The following ZNF98 variants were observed in gnomAD, a reference collection of about 807,000 sequenced individuals.
The protein encoded by ZNF98 is zinc finger protein 739.
In ZNF98, 8 loss-of-function variants were observed where a neutral mutation model predicts 12.8. That is an observed-to-expected ratio of 0.63 (90% CI 0.37 to 1.13). ZNF98 has a LOEUF of 1.13. Among genes scored for constraint, ZNF98 ranks in the 50% most tolerant of loss-of-function variants. The pLI is 0.01. For missense variants in ZNF98, 379 were observed against 666.1 expected (o/e 0.57, Z 4.74); for synonymous variants, 112 against 223.5 (o/e 0.50, Z 4.45).
intron 1 of ZNF98, among the ~76,000 whole-genome samples, chr19:22,418,893 T>A (rs900090822): frequency 1.3e-5 from 2 of 152,154 alleles, no homozygotes; most frequent in Non-Finnish European, 2.9e-5. Flanking sequence ...AAAAGCTGAA[T>A]TTTTCTTCAG....
At position 22,392,479 on chromosome 19, in the gene ZNF98, G is replaced by T; in HGVS notation, c.756C>A (p.His252Gln). The change falls in exon 4 of 4, where the codon CAC becomes CAA. Residue 252 changes from histidine (H) to glutamine (Q), a missense_variant. His to Gln is a conservative substitution (Grantham distance 24). This residue lies in a region of ZNF98 where 24 missense variants were observed against 48.8 expected (regional missense o/e 0.49). Transcript: ENST00000357774. Reference protein sequence around the residue: ...ECGKAFNRLSHLTTHKIIHTG... With the variant: ...ECGKAFNRLSQLTTHKIIHTG... ...TATGAATTATCTTATGTGTAGTAAG[G>T]TGTGAGAGCCGGTTAAAGGCTTTTC... The T allele has an allele frequency of 6.3e-7, 1 of 1,582,070 alleles. No homozygotes were observed. Among genetic ancestry groups the T allele is most frequent in the East Asian group, 2.3e-5 (1 of 44,056 alleles).
At chr19:22,401,594 C>T (rs911449603) in intron 3 of ZNF98, among the ~76,000 whole-genome samples, 2 of 151,338 alleles carry the variant, frequency 1.3e-5, no homozygotes, top group East Asian at 2.0e-4. Flanking sequence ...AGCAATTCTT[C>T]CGCCTCAGCC....
At chr19:22,404,977 T>C (rs1044664581) in intron 1 of ZNF98, among the ~76,000 whole-genome samples, 1 of 152,142 alleles carries the variant, frequency 6.6e-6, no homozygotes, top group African/African-American at 2.4e-5. Context: ...GTATCCACCC[T>C]TTCCATGTTC....
intron 3 of ZNF98, among the ~76,000 whole-genome samples, chr19:22,397,192 G>C (rs1240203266): frequency 6.5e-5 from 5 of 76,496 alleles, no homozygotes; most frequent in African/African-American, 1.9e-4. Flanking sequence ...ATGTACATCT[G>C]TGTGTGTGTG....
At chr19:22,403,638 A>C (rs1359251615) in intron 1 of ZNF98, 126 bp from the exon 2 acceptor site, 2 of 931,606 alleles carry the variant, frequency 2.1e-6, no homozygotes, top group Non-Finnish European at 3.1e-6. Flanking sequence ...TGATATATTT[A>C]ATAAATAACT....
chr19:22,392,793 T>G lies in ZNF98; in HGVS notation c.442A>C (p.Thr148Pro). Residue 148 changes from threonine to proline, a missense_variant, in exon 4 of 4, where the codon ACT becomes CCT. Thr to Pro is a conservative substitution (Grantham distance 38, BLOSUM62 -1). Around this residue, in one of 8 missense-constraint regions of ZNF98, gnomAD observed 223 missense variants for 261.6 expected, o/e 0.85. Transcript: ENST00000357774. ...TATTGAAATATTTTGTTCTGGGTAG[T>G]TGTCAAACACTGGTTAAGTCCATTG... Reference protein sequence around the residue: ...CYNGLNQCLTTTQNKIFQYDK... With the variant: ...CYNGLNQCLTPTQNKIFQYDK... 6.2e-7 allele frequency: 1 copy of G among 1,612,850 alleles called. No individual in the cohort carries two copies. Among genetic ancestry groups the G allele is most frequent in the African/African-American group, 1.3e-5 (1 of 75,022 alleles).
At chr19:22,412,853 C>G (rs1969594569) in intron 1 of ZNF98, among the ~76,000 whole-genome samples, 1 of 151,794 alleles carries the variant, frequency 6.6e-6, no homozygotes, top group African/African-American at 2.4e-5. Flanking sequence ...GAGATCGAGA[C>G]TATCCTGGCT....
chr19:22,421,000 T>C (rs974372394), intron 1 of ZNF98, among the ~76,000 whole-genome samples: 1 of 152,180 alleles, frequency 6.6e-6, no homozygotes, highest in African/African-American at 2.4e-5. Context: ...AGACATTGCA[T>C]TTTCCACTTA....
chr19:22,399,021 A>G (rs1445053494), intron 3 of ZNF98, among the ~76,000 whole-genome samples: 5 of 152,220 alleles, frequency 3.3e-5, no homozygotes, highest in Non-Finnish European at 7.4e-5. Context: ...CCCCACACCG[A>G]CTTACATGTA....
Position 22,403,283 on chromosome 19 carries a change from A to C in ZNF98, c.157+103T>G, listed in dbSNP as rs181312089. ...TAAAAAAAAAAAACAAAAAAAAAAA[A>C]CAGAGATCTGAAAGCATAAACTACC... On this transcript the variant is annotated intron_variant, in intron 2 of 3. Transcript: ENST00000357774. 9,308 of 1,365,868 alleles carry C rather than the reference A, an allele frequency of 6.8e-3. 548 individuals carry two copies. The African/African-American group carries it at 0.13, about 19-fold the overall frequency. 84.6% of individuals were successfully genotyped at this position (1,365,868 alleles called of 1,614,324 possible).
chr19:22,409,570 C>A (rs951361980), intron 1 of ZNF98, among the ~76,000 whole-genome samples: 1 of 151,952 alleles, frequency 6.6e-6, no homozygotes, highest in Non-Finnish European at 1.5e-5. Flanking sequence ...CCAGAATTTA[C>A]AAGAAACTTT....
chr19:22,406,218 A>C (rs534610037), intron 1 of ZNF98, among the ~76,000 whole-genome samples: 14 of 152,154 alleles, frequency 9.2e-5, no homozygotes, highest in Admixed American at 7.2e-4. Context: ...GAGTGTTCCT[A>C]CTGGCATCAG....
At chr19:22,395,194 A>G (rs1042417024) in intron 3 of ZNF98, among the ~76,000 whole-genome samples, 7 of 151,270 alleles carry the variant, frequency 4.6e-5, no homozygotes, top group African/African-American at 1.4e-4. Flanking sequence ...AAAAAAAAAA[A>G]AAAGAAAAGA....
In ZNF98 at chr19:22,422,237, T is replaced by C. The variant is rs1010544145; in HGVS notation, c.-13A>G. Reference sequence around the variant, plus strand: ...GGGGTCCTGGCATCTTAGCTGTGGATTCCCAATACCTGCAGGTCACAGGGC... The same window carrying C: ...GGGGTCCTGGCATCTTAGCTGTGGACTCCCAATACCTGCAGGTCACAGGGC... On this transcript the variant is annotated 5_prime_UTR_variant, in exon 1 of 4. Transcript: ENST00000357774. 6.2e-7 allele frequency: 1 copy of C among 1,611,636 alleles called. No individual in the cohort carries two copies. The highest frequency in any genetic ancestry group is 1.1e-5 in the South Asian group (1 of 91,054).
At chr19:22,395,903 T>C (rs1477003404) in intron 3 of ZNF98, among the ~76,000 whole-genome samples, 2 of 149,178 alleles carry the variant, frequency 1.3e-5, no homozygotes, top group East Asian at 3.9e-4. Context: ...AAGTTGAGAA[T>C]AATACCATCA....
At position 22,392,003 on chromosome 19, in the gene ZNF98, C is replaced by A; in HGVS notation, c.1232G>T (p.Cys411Phe). 6.4e-7 allele frequency: 1 copy of A among 1,553,696 alleles called. No individual in the cohort carries two copies. The change falls in exon 4 of 4, where the codon TGT (cysteine) becomes TTT (phenylalanine). Residue 411 changes from cysteine to phenylalanine, a missense_variant. Physicochemically the swap from Cys to Phe is radical, Grantham distance 205. This residue lies in a region of ZNF98 where 19 missense variants were observed against 119.7 expected (regional missense o/e 0.16). Coordinates refer to ENST00000357774, the MANE Select transcript of ZNF98 (RefSeq NM_001098626.2). The part of the protein sequence containing the change: ...AGEKFYKCEV[C>F]SKAFSRFSHL... ...TGAGAACCGGCTAAAGGCTTTGCTACATACTTCACATTTGTAGAATTTCTC... is the reference window on the plus strand; with the variant it reads ...TGAGAACCGGCTAAAGGCTTTGCTAAATACTTCACATTTGTAGAATTTCTC...
Position 22,422,292 on chromosome 19 carries a change from A to C in ZNF98, c.-68T>G. 6.3e-7 allele frequency: 1 copy of C among 1,593,458 alleles called. No homozygotes were observed. Among genetic ancestry groups the C allele is most frequent in the Admixed American group, 1.7e-5 (1 of 59,734 alleles). On this transcript the variant is annotated 5_prime_UTR_variant, in exon 1 of 4. Transcript: ENST00000357774. ...GAGGCTGGGCCTCTACGAGCAGAGGACACAGAAGGGCGAAGACGAGACCAG... is the reference window on the plus strand; with the variant it reads ...GAGGCTGGGCCTCTACGAGCAGAGGCCACAGAAGGGCGAAGACGAGACCAG...
chr19:22,408,942 T>C (rs772802392), intron 1 of ZNF98, among the ~76,000 whole-genome samples: 1 of 152,160 alleles, frequency 6.6e-6, no homozygotes, highest in Non-Finnish European at 1.5e-5. Context: ...ACAATGACTT[T>C]AAATTTCATA....
In ZNF98 at chr19:22,406,764, C is replaced by T. The variant is rs1287637403; in HGVS notation, c.31-3252G>A. ...CCTGGGAGGCAGAGCTTGCAGTGAGCTGAGATCGCGCCACTGCACTCCAGC... is the reference window on the plus strand; with the variant it reads ...CCTGGGAGGCAGAGCTTGCAGTGAGTTGAGATCGCGCCACTGCACTCCAGC... On this transcript the variant is annotated intron_variant, in intron 1 of 3. Coordinates refer to ENST00000357774, the MANE Select transcript of ZNF98 (RefSeq NM_001098626.2). Among the ~76,000 whole-genome samples the T allele has an allele frequency of 5.9e-5, 9 of 151,712 alleles. No individual in the cohort carries two copies. The East Asian group carries it at 1.8e-3, about 30-fold the overall frequency.
Sources: allele counts gnomAD v4.1 joint callset (sites outside exome capture counted in the v4.1 genomes callset), GRCh38; gene constraint gnomAD v4.1.1; regional missense constraint gnomAD v4.1.1; transcripts MANE v1.5; gene names NCBI Gene and HGNC (gene_info 2026-07-23, HGNC 2026-07-21).